SCN11A: variants seen among roughly 807,000 people sequenced by gnomAD.
The protein encoded by SCN11A is sodium channel protein type 11 subunit alpha.
Under a neutral mutation model 162.2 loss-of-function variants are expected in SCN11A, and 122 were observed. The observed-to-expected ratio is 0.75, with a 90% CI of 0.65 to 0.87. SCN11A has a LOEUF of 0.87. SCN11A is among the 40% of genes least tolerant of loss of function. The probability of loss-of-function intolerance (pLI) is 0.00; values close to 1 mark genes in which losing one functional copy is unlikely to be tolerated. For synonymous variants in SCN11A, 758 were observed against 751.5 expected (o/e 1.01, Z -0.14); for missense variants, 2,015 against 2,181.6 (o/e 0.92, Z 1.52).
At chr3:38,926,996 T>TCTATCTTA (rs2066153669) in intron 7 of SCN11A, 65 bp from the exon 8 acceptor site, 1 of 1,462,470 alleles carries the variant, frequency 6.8e-7, no homozygotes, top group Non-Finnish European at 9.3e-7. Context: ...AAAGAGCCCT[T>TCTATCTTA]CTATCTTACT....
rs1306836672 is a variant in SCN11A, at chr3:38,949,964, G to A, written c.267+132C>T. 6.3e-6 allele frequency: 4 copies of A among 634,460 alleles called. No individual in the cohort carries two copies. In the African/African-American group the frequency reaches 7.4e-5, roughly 12 times the overall value. The allele number at this position is 634,460 out of a possible 1,614,324, so 39.3% of individuals were successfully genotyped here. ...GACTATCAAGGCAATGCCAGGGGAT[G>A]ACAGCAAAGAAGAGGCACAGCCTGC... On this transcript the variant is annotated intron_variant, in intron 5 of 29. Transcript: ENST00000302328.
intron 1 of SCN11A, among the ~76,000 whole-genome samples, chr3:39,038,030 G>A (rs2125614872): frequency 6.6e-6 from 1 of 152,322 alleles, no homozygotes; most frequent in South Asian, 2.1e-4. Context: ...AGAATTAAAT[G>A]GTAGATTGAA....
intron 7 of SCN11A, among the ~76,000 whole-genome samples, chr3:38,940,002 G>A (rs985879990): frequency 1.3e-4 from 19 of 150,440 alleles, no homozygotes; most frequent in African/African-American, 4.1e-4. Flanking sequence ...ATCAAAAATA[G>A]CACACAATTT....
intron 16 of SCN11A, among the ~76,000 whole-genome samples, chr3:38,903,505 A>T (rs2065737207): frequency 6.6e-6 from 1 of 152,220 alleles, no homozygotes; most frequent in Admixed American, 6.5e-5. Context: ...TTTTGTGACA[A>T]ATGATGTCAT....
Position 38,909,214 on chromosome 3 carries a change from T to G in SCN11A, c.1102-20A>C. 1 of 1,611,526 alleles carries G rather than the reference T, an allele frequency of 6.2e-7. No homozygotes were observed. Among genetic ancestry groups the G allele is most frequent in the South Asian group, 1.1e-5 (1 of 90,920 alleles). On this transcript the variant is annotated intron_variant, in intron 12 of 29. Coordinates refer to ENST00000302328, the MANE Select transcript of SCN11A (RefSeq NM_001349253.2). ...CAGGGTCTGCAAAGGACAGAGCATG[T>G]TCTTGAATATCAAACCTTCTTCCAC...
rs1332634360 is a variant in SCN11A at position 38,897,132 on chromosome 3, C to T, written c.2116G>A (p.Val706Met). Residue 706 changes from valine (V) to methionine (M), a missense_variant, in exon 18 of 30, where the codon GTG becomes ATG. Val to Met is a conservative substitution (Grantham distance 21, BLOSUM62 1). Coordinates refer to ENST00000302328, the MANE Select transcript of SCN11A (RefSeq NM_001349253.2). ...NSVGALGSLT[V>M]VLVIVIFIFS... ...ATAAAGATCACAATGACCAGGACCA[C>T]AGTCAGGCTTCCAAGGGCTCCGACA... 1 of 1,614,046 alleles carries T rather than the reference C, an allele frequency of 6.2e-7. No individual in the cohort carries two copies. The highest frequency in any genetic ancestry group is 1.3e-5 in the African/African-American group (1 of 74,924).
chr3:38,946,945 A>G (rs750828458), intron 5 of SCN11A, 38 bp from the exon 6 acceptor site: 5 of 1,174,864 alleles, frequency 4.3e-6, no homozygotes, highest in East Asian at 2.3e-5. Context: ...AAACACACAC[A>G]TACACAACAG....
chr3:39,045,140 T>C (rs1462726261), intron 1 of SCN11A, among the ~76,000 whole-genome samples: 3 of 152,196 alleles, frequency 2.0e-5, no homozygotes, highest in Non-Finnish European at 2.9e-5. Context: ...AGTAATGAGA[T>C]TGTGGGAGAA....
intron 17 of SCN11A, among the ~76,000 whole-genome samples, chr3:38,898,110 C>T (rs7614525): frequency 0.066 from 10,049 of 151,184 alleles, 1,041 homozygotes; most frequent in African/African-American, 0.22. Context: ...TGGTGGTGTG[C>T]GTCTGTAGTC....
chr3:38,954,819 T>C (rs112289572), intron 3 of SCN11A, among the ~76,000 whole-genome samples: 9,434 of 151,850 alleles, frequency 0.062, 320 homozygotes, highest in Middle Eastern at 0.092. Flanking sequence ...TGAAACCCTG[T>C]CTCTACTAAA....
intron 2 of SCN11A, among the ~76,000 whole-genome samples, chr3:38,992,155 T>C (rs1358520830): frequency 6.6e-6 from 1 of 152,240 alleles, no homozygotes; most frequent in Non-Finnish European, 1.5e-5. Context: ...TTCACACTTC[T>C]GCTTTCCCAA....
intron 1 of SCN11A, among the ~76,000 whole-genome samples, chr3:39,040,789 T>C (rs2032030416): frequency 6.6e-6 from 1 of 152,098 alleles, no homozygotes; most frequent in South Asian, 2.1e-4. Flanking sequence ...AAGAAAATAA[T>C]TTCTGAAGGC....
intron 11 of SCN11A, 123 bp from the exon 12 acceptor site, chr3:38,910,330 G>A: frequency 1.1e-6 from 1 of 936,222 alleles, no homozygotes; most frequent in Non-Finnish European, 1.6e-6. Flanking sequence ...GAGGAAGGGA[G>A]TATTTGTAAA....
intron 2 of SCN11A, among the ~76,000 whole-genome samples, chr3:39,031,133 A>G (rs1044845865): frequency 5.9e-5 from 9 of 152,236 alleles, no homozygotes; most frequent in African/African-American, 1.9e-4. Context: ...TTTTCTTCTC[A>G]GTGTGTTCAG....
intron 28 of SCN11A, among the ~76,000 whole-genome samples, chr3:38,856,259 C>A (rs1180716191): frequency 1.3e-5 from 2 of 152,120 alleles, no homozygotes; most frequent in Non-Finnish European, 2.9e-5. Context: ...GGGCTTCCCC[C>A]ACAGGAACAC....
chr3:38,848,625 G>T (rs2064717250), intron 29 of SCN11A, among the ~76,000 whole-genome samples: 1 of 152,148 alleles, frequency 6.6e-6, no homozygotes, highest in Non-Finnish European at 1.5e-5. Context: ...TTTCTTAAGT[G>T]CCAATTCAGC....
Position 38,846,810 on chromosome 3 carries a change from C to T in SCN11A, c.5260G>A (p.Gly1754Ser). 6.2e-7 allele frequency: 1 copy of T among 1,613,940 alleles called. No individual in the cohort carries two copies. Among genetic ancestry groups the T allele is most frequent in the Non-Finnish European group, 8.5e-7 (1 of 1,179,982 alleles). ...AAGTCATTTTGGTCACCTTGGTCAC[C>T]CTTGGTCACCTTCATCATGTACTTT... ...FRKYMMKVTK[G>S]DQGDQNDLEN... Residue 1754 changes from glycine to serine, a missense_variant, in exon 30 of 30, where the codon GGT becomes AGT. Physicochemically the swap from Gly to Ser is moderately conservative, Grantham distance 56. Transcript: ENST00000302328.
At chr3:38,945,093 T>C (rs895015867) in intron 7 of SCN11A, among the ~76,000 whole-genome samples, 2 of 152,262 alleles carry the variant, frequency 1.3e-5, no homozygotes, top group African/African-American at 4.8e-5. Flanking sequence ...AAGATTTTTA[T>C]GACAATGTTA....
Position 38,894,945 on chromosome 3 carries a change from G to A in SCN11A, c.2423C>T (p.Ala808Val). The A allele has an allele frequency of 6.2e-7, 1 of 1,609,214 alleles. No individual in the cohort carries two copies. Among genetic ancestry groups the A allele is most frequent in the Non-Finnish European group, 8.5e-7 (1 of 1,176,574 alleles). ...GKLVVLNLFI[A>V]LLLNSFSNEE... ...ATTGCTAAAGGAATTGAGCAGTAAG[G>A]CAATGAAGAGGTTGAGCACCTGGGA... Residue 808 changes from alanine (A) to valine (V), a missense_variant, in exon 19 of 30, where the codon GCC becomes GTC. Coordinates refer to ENST00000302328, the MANE Select transcript of SCN11A (RefSeq NM_001349253.2).
Sources: allele counts gnomAD v4.1 joint callset (sites outside exome capture counted in the v4.1 genomes callset), GRCh38; gene constraint gnomAD v4.1.1; transcripts MANE v1.5; gene names NCBI Gene and HGNC (gene_info 2026-07-23, HGNC 2026-07-21).